PLK5: variants seen among roughly 807,000 people sequenced by gnomAD.
PLK5 encodes the protein inactive serine/threonine-protein kinase PLK5.
A neutral mutation model predicts 33.7 loss-of-function variants in PLK5; 28 were observed. The ratio of observed to expected loss-of-function variants is 0.83; its 90% CI spans 0.62 to 1.14. PLK5 has a LOEUF of 1.14. Ranked by LOEUF, PLK5 falls within the 50% of genes most tolerant of loss-of-function variation. The probability of loss-of-function intolerance (pLI) is 0.00; values close to 1 mark genes in which losing one functional copy is unlikely to be tolerated. For synonymous variants in PLK5, 225 were observed against 202.2 expected (o/e 1.11, Z -0.96); for missense variants, 492 against 461.5 (o/e 1.07, Z -0.61).
chr19:1,527,469 G>T (rs1457800306), intron 6 of PLK5, among the ~76,000 whole-genome samples: 1 of 152,158 alleles, frequency 6.6e-6, no homozygotes, highest in Non-Finnish European at 1.5e-5. Context: ...AGGAGTGGTG[G>T]TGTGCACCTG....
intron 9 of PLK5, 113 bp downstream of exon 9, chr19:1,529,087 C>A: frequency 1.1e-6 from 1 of 888,060 alleles, no homozygotes; most frequent in Non-Finnish European, 1.6e-6. Flanking sequence ...GGTCTCCAAG[C>A]CCGGCCCCCT....
chr19:1,527,816 G>A, intron 6 of PLK5, 120 bp from the exon 7 acceptor site: 2 of 1,012,028 alleles, frequency 2.0e-6, no homozygotes, highest in Non-Finnish European at 1.4e-6. Flanking sequence ...CGGATGTTGG[G>A]AGATGAGGAA....
Position 1,528,525 on chromosome 19 carries a change from TCCCACCTGCCCACGCCTCC to T in PLK5, c.328+99_328+117del. 8.6e-6 allele frequency: 6 copies of T among 700,886 alleles called. 2 individuals are homozygous for T. Among genetic ancestry groups the T allele is most frequent in the Admixed American group, 6.1e-5 (1 of 16,448 alleles). The allele number at this position is 700,886 out of a possible 1,614,324, so 43.4% of individuals were successfully genotyped here. On this transcript the variant is annotated intron_variant, in intron 8 of 13. Transcript: ENST00000454744. Reference sequence around the variant, plus strand: ...CCCACGCCTCCCACCTGCCCACACCTCCCACCTGCCCACGCCTCCCACCTGCCCACGCCTCCCACCTGCC... The same window carrying T: ...CCCACGCCTCCCACCTGCCCACACCTCACCTGCCCACGCCTCCCACCTGCC...
Position 1,526,763 on chromosome 19 carries a change from AAGGTGGGGCCAGGGGGCCGCTGCCAC to A in PLK5, c.-117_-95+3del. The A allele has an allele frequency of 7.0e-6, 4 of 574,172 alleles. No homozygotes were observed. Among genetic ancestry groups the A allele is most frequent in the Non-Finnish European group, 1.2e-5 (4 of 323,020 alleles). The allele number at this position is 574,172 out of a possible 1,614,324, so 35.6% of individuals were successfully genotyped here. A position where few individuals can be genotyped will look rare whatever the true frequency, so the allele number is the denominator to read the frequency against. On this transcript the variant is annotated splice_region_variant and 5_prime_UTR_variant, in exon 5 of 14. The change creates a premature stop within an existing upstream ORF in the 5' untranslated region. Transcript: ENST00000454744. ...GATTGGAGACCTGGGACTGGCGGCC[AAGGTGGGGCCAGGGGGCCGCTGCCAC>A]AGGTGAGAGCCGGGGGGAGGGCTCT...
Position 1,526,600 on chromosome 19 carries a change from C to G in PLK5, c.-198C>G, listed in dbSNP as rs1433870547. 1.8e-5 allele frequency: 6 copies of G among 338,722 alleles called. No individual in the cohort carries two copies. The highest frequency in any genetic ancestry group is 1.4e-4 in the South Asian group (6 of 41,998). 21.0% of individuals were successfully genotyped at this position (338,722 alleles called of 1,614,324 possible). ...CCTGCACCAGCGGTGCATCCTGCAC[C>G]GCGACCTGAAGCTCAGTGAGTGCCA... On this transcript the variant is annotated 5_prime_UTR_variant, in exon 4 of 14. Transcript: ENST00000454744.
At chr19:1,534,173 A>G (rs1482935398) in intron 13 of PLK5, 132 bp downstream of exon 13, 18 of 676,656 alleles carry the variant, frequency 2.7e-5, no homozygotes, top group Admixed American at 5.9e-5. Context: ...AAAAAAAAAA[A>G]GGTATTGGCT....
rs1477207902 is a variant in PLK5 at position 1,535,241 on chromosome 19, G to A, written c.1002G>A (p.Gln334=). The A allele has an allele frequency of 2.0e-6, 3 of 1,535,740 alleles. No homozygotes were observed. Among genetic ancestry groups the A allele is most frequent in the African/African-American group, 1.4e-5 (1 of 73,124 alleles). Residue 334 remains glutamine, a synonymous_variant, in exon 14 of 14, where the codon CAG becomes CAA. Coordinates refer to ENST00000454744, the MANE Select transcript of PLK5 (RefSeq NM_001243079.2). ...TTCACCACGCCCTCCGCATGCTGCAGAGTATCTAGTGCCCCTGAGGGTCAG... is the reference window on the plus strand; with the variant it reads ...TTCACCACGCCCTCCGCATGCTGCAAAGTATCTAGTGCCCCTGAGGGTCAG... ...QHLHHALRML[Q]SI
intron 11 of PLK5, 58 bp downstream of exon 11, chr19:1,529,882 C>G (rs891964905): frequency 6.7e-7 from 1 of 1,488,390 alleles, no homozygotes; most frequent in African/African-American, 1.4e-5. Context: ...AGTAAAATTG[C>G]CTTCATTCCC....
chr19:1,534,931 T>C, intron 13 of PLK5, 134 bp from the exon 14 acceptor site: 1 of 818,084 alleles, frequency 1.2e-6, no homozygotes, highest in Non-Finnish European at 1.8e-6. Flanking sequence ...CCCGAGTTCC[T>C]GTGGCTGGGG....
intron 11 of PLK5, among the ~76,000 whole-genome samples, chr19:1,530,303 C>CT (rs913300580): frequency 4.0e-4 from 61 of 151,428 alleles, no homozygotes; most frequent in Middle Eastern, 3.4e-3. Flanking sequence ...CCTTTTCTTT[C>CT]TTTTTTTTTA....
In PLK5 at chr19:1,529,737, G is replaced by A; in HGVS notation, c.491-10G>A. The A allele has an allele frequency of 6.5e-7, 1 of 1,536,066 alleles. No individual in the cohort carries two copies. Among genetic ancestry groups the A allele is most frequent in the Non-Finnish European group, 8.7e-7 (1 of 1,146,850 alleles). ...AGACCTGTCTGCGGCACAAAGACCT[G>A]TCTTCCCAGGGCCCGAGGGGAGCCG... On this transcript the variant is annotated splice_polypyrimidine_tract_variant and intron_variant, in intron 10 of 13. Transcript: ENST00000454744.
intron 1 of PLK5, 183 bp from the exon 2 acceptor site, chr19:1,525,122 T>G (rs1052818422): frequency 1.3e-5 from 2 of 152,970 alleles, no homozygotes; most frequent in Non-Finnish European, 2.9e-5. Flanking sequence ...TGTGCCTTCT[T>G]GTGTGCATCA....
chr19:1,528,225 C>T (rs926151848), intron 7 of PLK5, 77 bp from the exon 8 acceptor site: 42 of 1,534,212 alleles, frequency 2.7e-5, no homozygotes, highest in African/African-American at 5.5e-5. Context: ...AGGGAGGCCC[C>T]GCCCTGTCCC....
chr19:1,530,483 G>C (rs565883511), intron 11 of PLK5, among the ~76,000 whole-genome samples: 1 of 151,902 alleles, frequency 6.6e-6, no homozygotes, highest in African/African-American at 2.4e-5. Context: ...TCTTTTAGTA[G>C]AGACAGGGTT....
chr19:1,529,812 G>T lies in PLK5; in HGVS notation c.556G>T (p.Val186Leu), dbSNP rs1469719968. The T allele has an allele frequency of 6.5e-6, 10 of 1,535,710 alleles. No individual in the cohort carries two copies. The African/African-American group carries it at 1.4e-4, about 21-fold the overall frequency. The change falls in exon 11 of 14, where the codon GTA becomes TTA. Residue 186 changes from valine to leucine, a missense_variant. Coordinates refer to ENST00000454744, the MANE Select transcript of PLK5 (RefSeq NM_001243079.2). Reference protein sequence around the residue: ...ALRHLQLCLDVGPPATQDPLG... With the variant: ...ALRHLQLCLDLGPPATQDPLG... Reference sequence around the variant, plus strand: ...CAGACACCTGCAGCTGTGCCTGGATGTAGGCCCCCCGGGTAGGAGCCGGCC... The same window carrying T: ...CAGACACCTGCAGCTGTGCCTGGATTTAGGCCCCCCGGGTAGGAGCCGGCC...
chr19:1,531,878 C>T lies in PLK5; in HGVS notation c.709C>T (p.Arg237Trp), dbSNP rs778178191. The T allele has an allele frequency of 2.4e-5, 35 of 1,487,800 alleles. No homozygotes were observed. The South Asian group carries it at 3.5e-4, about 15-fold the overall frequency. The allele number at this position is 1,487,800 out of a possible 1,614,324, so 92.2% of individuals were successfully genotyped here. Residue 237 changes from arginine (R) to tryptophan (W), a missense_variant, in exon 12 of 14, where the codon CGG becomes TGG. Coordinates refer to ENST00000454744, the MANE Select transcript of PLK5 (RefSeq NM_001243079.2). ...GCACCCACATGGCCCTGCGACCCCC[C>T]GGAGGGTAAGTTGTGGCCTCCTGTG... Reference protein sequence around the residue: ...GRHPHGPATPRREGTLPTPVP... With the variant: ...GRHPHGPATPWREGTLPTPVP...
intron 5 of PLK5, 28 bp downstream of exon 5, chr19:1,526,819 AGTCC>A (rs1207155246): frequency 5.3e-5 from 40 of 754,624 alleles, no homozygotes; most frequent in Admixed American, 2.2e-5. Flanking sequence ...GGCTCTGAGC[AGTCC>A]GTCCGGGTGG....
Position 1,535,524 on chromosome 19 carries a change from C to G in PLK5, c.*274C>G. ...CTTTGGCAAAGAAACGTTGACCCCA[C>G]GTGACGTTGCATCCTCCCTGTTTCT... is the stretch of plus-strand genomic sequence containing the variant. On this transcript the variant is annotated 3_prime_UTR_variant, in exon 14 of 14. Coordinates refer to ENST00000454744, the MANE Select transcript of PLK5 (RefSeq NM_001243079.2). 2.2e-6 allele frequency: 1 copy of G among 456,158 alleles called. No individual in the cohort carries two copies. The highest frequency in any genetic ancestry group is 3.8e-6 in the Non-Finnish European group (1 of 260,456). The allele number at this position is 456,158 out of a possible 1,614,324, so 28.3% of individuals were successfully genotyped here.
At position 1,528,908 on chromosome 19, in the gene PLK5, G is replaced by A. The variant is rs532773281; in HGVS notation, c.339G>A (p.Thr113=). ...LTQCRPPCPF[T]PKEASGPGEG... is the part of the protein sequence containing the mutation. The stretch of plus-strand genomic sequence containing the variant: ...TTGTGCCTCCCTCAGGCCCCTTCAC[G>A]CCTAAAGAGGCCTCGGGTCCAGGAG... The change falls in exon 9 of 14, where the codon ACG becomes ACA. Residue 113 remains threonine, a synonymous_variant. Transcript: ENST00000454744. 26 of 1,511,644 alleles carry A rather than the reference G, an allele frequency of 1.7e-5. 1 individual carries two copies. The highest frequency in any genetic ancestry group is 5.0e-5 in the East Asian group (2 of 39,908). 93.6% of individuals were successfully genotyped at this position (1,511,644 alleles called of 1,614,324 possible).
Sources: gnomAD v4.1 joint callset for allele counts (sites outside exome capture counted in the v4.1 genomes callset) on GRCh38, gnomAD v4.1.1 for gene constraint, MANE v1.5 for transcripts, NCBI Gene and HGNC (gene_info 2026-07-23, HGNC 2026-07-21) for gene names.